Variants in CADM2 observed in about 807,000 individuals in gnomAD.
The protein encoded by CADM2 is cell adhesion molecule 2.
In CADM2, 12 loss-of-function variants were observed where a neutral mutation model predicts 49.8. That is an observed-to-expected ratio of 0.24 (90% CI 0.15 to 0.39). The LOEUF (loss-of-function observed/expected upper bound fraction) is 0.39. Ranked by LOEUF, CADM2 falls within the 10% of genes least tolerant of loss-of-function variation. CADM2 has a pLI of 1.00. For synonymous variants in CADM2, 214 were observed against 175.4 expected (o/e 1.22, Z -1.74); for missense variants, 378 against 492.3 (o/e 0.77, Z 2.20).
intron 1 of CADM2, among the ~76,000 whole-genome samples, chr3:85,183,761 T>C (rs947663987): frequency 6.6e-6 from 1 of 152,154 alleles, no homozygotes; most frequent in Non-Finnish European, 1.5e-5. Flanking sequence ...GCAAAGTCTA[T>C]AATGCAAGGC....
At chr3:85,675,606 G>A (rs879216351) in intron 1 of CADM2, among the ~76,000 whole-genome samples, 1 of 152,042 alleles carries the variant, frequency 6.6e-6, no homozygotes, top group Admixed American at 6.6e-5. Flanking sequence ...GCCTTTCTCC[G>A]GGTATCTTTT....
intron 1 of CADM2, among the ~76,000 whole-genome samples, chr3:84,979,695 A>G (rs1215116317): frequency 1.4e-5 from 2 of 147,888 alleles, no homozygotes; most frequent in East Asian, 2.0e-4. Flanking sequence ...CATAGAGACT[A>G]AAAAAAAAAG....
At chr3:85,914,302 A>C (rs1718001997) in intron 6 of CADM2, among the ~76,000 whole-genome samples, 1 of 152,048 alleles carries the variant, frequency 6.6e-6, no homozygotes, top group African/African-American at 2.4e-5. Flanking sequence ...TTTGATTATA[A>C]AGTAGAGGAG....
intron 1 of CADM2, among the ~76,000 whole-genome samples, chr3:85,562,280 G>C (rs2062115911): frequency 6.6e-6 from 1 of 151,874 alleles, no homozygotes; most frequent in Non-Finnish European, 1.5e-5. Context: ...GGGAGTTCGA[G>C]ACCAGCCTGA....
At chr3:85,041,999 T>C (rs750849051) in intron 1 of CADM2, among the ~76,000 whole-genome samples, 72 of 152,204 alleles carry the variant, frequency 4.7e-4, no homozygotes, top group Non-Finnish European at 4.3e-4. Context: ...GTTTCACACA[T>C]GCATAATATT....
intron 1 of CADM2, among the ~76,000 whole-genome samples, chr3:85,517,346 G>C (rs1251380954): frequency 6.6e-6 from 1 of 151,994 alleles, no homozygotes; most frequent in Non-Finnish European, 1.5e-5. Flanking sequence ...TGTTGTTTTA[G>C]ATCTCAGATT....
chr3:85,272,776 A>T (rs2043270894), intron 1 of CADM2, among the ~76,000 whole-genome samples: 1 of 151,358 alleles, frequency 6.6e-6, no homozygotes, highest in Non-Finnish European at 1.5e-5. Context: ...TTATTCGTCC[A>T]TTCAGTCAAT....
At chr3:85,570,630 T>C (rs2062447348) in intron 1 of CADM2, among the ~76,000 whole-genome samples, 1 of 152,114 alleles carries the variant, frequency 6.6e-6, no homozygotes, top group Admixed American at 6.6e-5. Context: ...GAGACTTAAA[T>C]TGAAGTATTG....
chr3:85,489,743 C>T (rs1480897956), intron 1 of CADM2, among the ~76,000 whole-genome samples: 1 of 144,810 alleles, frequency 6.9e-6, no homozygotes, highest in South Asian at 2.2e-4. Flanking sequence ...AATTATTTAA[C>T]GTGTGTGTGT....
intron 1 of CADM2, among the ~76,000 whole-genome samples, chr3:85,071,249 G>A (rs909562792): frequency 6.6e-6 from 1 of 151,846 alleles, no homozygotes; most frequent in Non-Finnish European, 1.5e-5. Context: ...AAATAAATGA[G>A]AGAGGGAGAG....
chr3:85,099,967 A>G (rs1016604071), intron 1 of CADM2, among the ~76,000 whole-genome samples: 6 of 152,270 alleles, frequency 3.9e-5, no homozygotes, highest in South Asian at 2.1e-4. Flanking sequence ...TATTTATTCC[A>G]TACTGTTTTT....
intron 1 of CADM2, among the ~76,000 whole-genome samples, chr3:85,081,276 A>C (rs1185161313): frequency 6.6e-6 from 1 of 152,112 alleles, no homozygotes; most frequent in Non-Finnish European, 1.5e-5. Flanking sequence ...TCTACCCACT[A>C]TGTGACCATG....
chr3:85,004,941 C>T (rs2033651592), intron 1 of CADM2, among the ~76,000 whole-genome samples: 1 of 152,092 alleles, frequency 6.6e-6, no homozygotes, highest in South Asian at 2.1e-4. Context: ...AATGTGATGG[C>T]TCGGCACATC....
intron 1 of CADM2, among the ~76,000 whole-genome samples, chr3:85,041,565 G>A (rs2035443719): frequency 6.6e-6 from 1 of 152,162 alleles, no homozygotes; most frequent in Admixed American, 6.5e-5. Flanking sequence ...CATATGTTCT[G>A]TTTTGTCTTC....
At chr3:85,039,368 ATT>A (rs11348826) in intron 1 of CADM2, among the ~76,000 whole-genome samples, 9,062 of 145,780 alleles carry the variant, frequency 0.062, 397 homozygotes, top group African/African-American at 0.13. Flanking sequence ...AAGATAATGT[ATT>A]TTTTTTTTTT....
intron 1 of CADM2, among the ~76,000 whole-genome samples, chr3:85,431,203 G>T (rs977349298): frequency 6.6e-6 from 1 of 152,130 alleles, no homozygotes; most frequent in Non-Finnish European, 1.5e-5. Context: ...GAGTAGGTGT[G>T]ATGTAAGGGC....
At chr3:85,510,498 T>A (rs1176257927) in intron 1 of CADM2, among the ~76,000 whole-genome samples, 1 of 152,070 alleles carries the variant, frequency 6.6e-6, no homozygotes, top group African/African-American at 2.4e-5. Context: ...TAATGTCCTA[T>A]TGATGTGACA....
chr3:85,351,499 C>T (rs551003793), intron 1 of CADM2, among the ~76,000 whole-genome samples: 5 of 152,090 alleles, frequency 3.3e-5, no homozygotes, highest in Non-Finnish European at 7.4e-5. Context: ...CCATGAATTA[C>T]ATTAAACTTT....
intron 1 of CADM2, among the ~76,000 whole-genome samples, chr3:85,496,564 G>A (rs759789194): frequency 2.0e-5 from 3 of 152,124 alleles, no homozygotes; most frequent in Non-Finnish European, 4.4e-5. Flanking sequence ...ACTCACTAAT[G>A]GGATTGCTAG....
Sources: gnomAD v4.1 joint callset for allele counts (sites outside exome capture counted in the v4.1 genomes callset) on GRCh38, gnomAD v4.1.1 for gene constraint, MANE v1.5 for transcripts, NCBI Gene and HGNC (gene_info 2026-07-23, HGNC 2026-07-21) for gene names.